The following UTRN variants were observed in gnomAD, a reference collection of about 807,000 sequenced individuals.
UTRN encodes the protein utrophin.
In UTRN, 283 loss-of-function variants were observed where a neutral mutation model predicts 463.9. The ratio of observed to expected loss-of-function variants is 0.61; its 90% CI spans 0.55 to 0.67. The LOEUF is 0.67. UTRN is among the 30% of genes least tolerant of loss of function. The pLI is 0.00. For synonymous variants in UTRN, 1,442 were observed against 1,431.5 expected (o/e 1.01, Z -0.17); for missense variants, 3,922 against 4,084.3 (o/e 0.96, Z 1.08).
chr6:144,368,642 T>G (rs1562303160), intron 2 of UTRN, among the ~76,000 whole-genome samples: 1 of 151,906 alleles, frequency 6.6e-6, no homozygotes, highest in African/African-American at 2.4e-5. Flanking sequence ...GGTGTGGTGG[T>G]GCACGCCTGT....
chr6:144,661,154 C>G (rs999453060), intron 51 of UTRN, among the ~76,000 whole-genome samples: 1 of 152,048 alleles, frequency 6.6e-6, no homozygotes, highest in Non-Finnish European at 1.5e-5. Flanking sequence ...CGTGAATGCC[C>G]CATGGATCAT....
At chr6:144,746,872 A>G (rs1486921651) in intron 54 of UTRN, among the ~76,000 whole-genome samples, 1 of 152,224 alleles carries the variant, frequency 6.6e-6, no homozygotes, top group Non-Finnish European at 1.5e-5. Context: ...TTCAGCTGCC[A>G]AGAGATTTCT....
intron 52 of UTRN, among the ~76,000 whole-genome samples, chr6:144,697,817 CAAAG>C (rs374283677): frequency 9.2e-5 from 14 of 152,178 alleles, no homozygotes; most frequent in African/African-American, 3.1e-4. Flanking sequence ...TCTGTGCAGT[CAAAG>C]AAGACTGCAT....
chr6:144,565,229 C>A (rs982473435), intron 50 of UTRN, among the ~76,000 whole-genome samples: 2 of 152,084 alleles, frequency 1.3e-5, no homozygotes, highest in African/African-American at 2.4e-5. Context: ...GTACCATTCA[C>A]CGAATTGGGA....
Position 144,852,355 on chromosome 6 carries a change from G to T in UTRN, c.*1358G>T, listed in dbSNP as rs1315685532. Reference sequence around the variant, plus strand: ...TGTTACTTAATTAGCAAATGTAGAGGAACCAAAAAAAGGTGAAAATAATAT... The same window carrying T: ...TGTTACTTAATTAGCAAATGTAGAGTAACCAAAAAAAGGTGAAAATAATAT... On this transcript the variant is annotated 3_prime_UTR_variant, in exon 75 of 75. Transcript: ENST00000367545. 1 of 151,588 alleles carries T rather than the reference G, an allele frequency of 6.6e-6. No individual in the cohort carries two copies. Among genetic ancestry groups the T allele is most frequent in the Non-Finnish European group, 1.5e-5 (1 of 67,870 alleles). The allele number at this position is 151,588 out of a possible 1,614,324, so 9.4% of individuals were successfully genotyped here.
At chr6:144,712,279 C>G (rs1372155251) in intron 53 of UTRN, among the ~76,000 whole-genome samples, 2 of 152,136 alleles carry the variant, frequency 1.3e-5, no homozygotes, top group Non-Finnish European at 2.9e-5. Context: ...ACCTGCAACA[C>G]CCCATTTGGT....
rs1398852607 is a variant in UTRN at position 144,482,256 on chromosome 6, C to T, written c.3555C>T (p.Leu1185=). 5.6e-6 allele frequency: 9 copies of T among 1,603,272 alleles called. No individual in the cohort carries two copies. The highest frequency in any genetic ancestry group is 1.7e-4 in the Middle Eastern group (1 of 6,026). Residue 1185 remains leucine (L), a synonymous_variant, in exon 27 of 75, where the codon CTC becomes CTT. Transcript: ENST00000367545. ...VLQKEVRVKI[L]KDNIKLLAAK... The stretch of plus-strand genomic sequence containing the variant: ...AGAAGGAGGTGAGAGTGAAGATTCT[C>T]AAGGACAACATCAAGTTATTAGCTG...
chr6:144,388,426 C>T (rs1267259993), intron 2 of UTRN, among the ~76,000 whole-genome samples: 1 of 152,070 alleles, frequency 6.6e-6, no homozygotes, highest in African/African-American at 2.4e-5. Context: ...GATTGTCCCA[C>T]CCTAGCCTCC....
intron 55 of UTRN, 83 bp from the exon 56 acceptor site, chr6:144,751,723 A>G: frequency 7.3e-7 from 1 of 1,363,738 alleles, no homozygotes; most frequent in Non-Finnish European, 9.8e-7. Context: ...CATGCAGTTC[A>G]GACCTAAGTT....
intron 51 of UTRN, among the ~76,000 whole-genome samples, chr6:144,610,906 A>G (rs1228076235): frequency 1.3e-5 from 2 of 152,146 alleles, no homozygotes; most frequent in African/African-American, 4.8e-5. Context: ...AACCAAAACA[A>G]ACAAGAAAAC....
At chr6:144,615,668 G>C (rs548902527) in intron 51 of UTRN, among the ~76,000 whole-genome samples, 1 of 152,044 alleles carries the variant, frequency 6.6e-6, no homozygotes, top group Non-Finnish European at 1.5e-5. Flanking sequence ...TTAATCATCT[G>C]TCTCTCTTCA....
Position 144,447,772 on chromosome 6 carries a change from C to T in UTRN, c.1893C>T (p.Ser631=). ...CTTTGGTTCAGAGACTAGAAGATTCCTCCAACCAGGTACTTTTTGATTTGG... is the reference window on the plus strand; with the variant it reads ...CTTTGGTTCAGAGACTAGAAGATTCTTCCAACCAGGTACTTTTTGATTTGG... ...WDSLVQRLED[S]SNQVTQAVAK... is the part of the protein sequence containing the mutation. Residue 631 remains serine, a synonymous_variant, in exon 16 of 75, where the codon TCC becomes TCT. Coordinates refer to ENST00000367545, the MANE Select transcript of UTRN (RefSeq NM_007124.3). 6.2e-7 allele frequency: 1 copy of T among 1,609,428 alleles called. No homozygotes were observed.
intron 57 of UTRN, among the ~76,000 whole-genome samples, chr6:144,755,937 C>T (rs1251478663): frequency 6.6e-6 from 1 of 151,998 alleles, no homozygotes; most frequent in Non-Finnish European, 1.5e-5. Flanking sequence ...TTTTCTGCCC[C>T]TTCCTGCCCT....
At chr6:144,850,026 A>G (rs1433137692) in intron 74 of UTRN, among the ~76,000 whole-genome samples, 6 of 152,198 alleles carry the variant, frequency 3.9e-5, no homozygotes, top group Admixed American at 3.3e-4. Flanking sequence ...CCTGCTTCAC[A>G]GGAGGGCCTC....
At chr6:144,774,231 G>A in intron 59 of UTRN, 59 bp from the exon 60 acceptor site, 1 of 1,425,194 alleles carries the variant, frequency 7.0e-7, no homozygotes, top group South Asian at 1.3e-5. Flanking sequence ...TACATTCTGG[G>A]CATTCAATAT....
At chr6:144,573,506 C>T (rs1801149132) in intron 50 of UTRN, among the ~76,000 whole-genome samples, 1 of 151,900 alleles carries the variant, frequency 6.6e-6, no homozygotes, top group Non-Finnish European at 1.5e-5. Context: ...CCAGCCTAGT[C>T]AACATGGTGA....
intron 68 of UTRN, among the ~76,000 whole-genome samples, chr6:144,828,583 T>A (rs1780394965): frequency 6.6e-6 from 1 of 152,126 alleles, no homozygotes; most frequent in African/African-American, 2.4e-5. Context: ...CAACATGGCG[T>A]AAGATAAAGG....
chr6:144,593,964 T>C (rs1803379968), intron 51 of UTRN, among the ~76,000 whole-genome samples: 1 of 152,216 alleles, frequency 6.6e-6, no homozygotes, highest in African/African-American at 2.4e-5. Context: ...AATAAGGACA[T>C]AATTCTTCAG....
chr6:144,801,719 T>C (rs772871127), intron 64 of UTRN, among the ~76,000 whole-genome samples: 4 of 152,230 alleles, frequency 2.6e-5, no homozygotes, highest in Admixed American at 2.6e-4. Flanking sequence ...ACTTTAGTTT[T>C]CTTTCTTGTA....
Sources: allele counts gnomAD v4.1 joint callset (sites outside exome capture counted in the v4.1 genomes callset), GRCh38; gene constraint gnomAD v4.1.1; transcripts MANE v1.5; gene names NCBI Gene and HGNC (gene_info 2026-07-23, HGNC 2026-07-21).